Variants in ZNF582 observed in about 807,000 individuals in gnomAD.
ZNF582 encodes zinc finger protein 582.
Under a neutral mutation model 12.3 loss-of-function variants are expected in ZNF582, and 14 were observed. That is an observed-to-expected ratio of 1.14 (90% CI 0.75 to 1.78). The LOEUF (loss-of-function observed/expected upper bound fraction) is 1.78, where lower values mean the gene tolerates loss of function less well. ZNF582 is among the 40% of genes most tolerant of loss of function. The pLI is 0.00. For synonymous variants in ZNF582, 210 were observed against 207.2 expected, an observed-to-expected ratio of 1.01 and a Z score of -0.11; for missense variants, 567 against 616.5, an observed-to-expected ratio of 0.92 and a Z score of 0.85.
chr19:56,387,858 G>C (rs2041980896), intron 4 of ZNF582, among the ~76,000 whole-genome samples: 1 of 152,222 alleles, frequency 6.6e-6, no homozygotes, highest in African/African-American at 2.4e-5. Flanking sequence ...TTCTTCGACA[G>C]ATTGACTTTT....
At chr19:56,392,950 G>T (rs1055526770) in intron 1 of ZNF582, among the ~76,000 whole-genome samples, 1 of 152,138 alleles carries the variant, frequency 6.6e-6, no homozygotes, top group Non-Finnish European at 1.5e-5. Flanking sequence ...AGCATTATTT[G>T]TATTAACTGC....
chr19:56,391,917 C>A, intron 1 of ZNF582, 85 bp from the exon 2 acceptor site: 1 of 1,129,288 alleles, frequency 8.9e-7, no homozygotes. Flanking sequence ...ACCTGCTTGC[C>A]CTCTGCCCAC....
exon 5 of ZNF582, chr19:56,384,971 A>G (rs1452367888): frequency 6.2e-7 from 1 of 1,613,960 alleles, no homozygotes; most frequent in Admixed American, 1.7e-5. Context: ...AAAAGTGGGC[A>G]TTTCTTCATG....
exon 1 of ZNF582, chr19:56,393,517 G>A (rs529501083): frequency 6.1e-6 from 3 of 493,878 alleles, no homozygotes; most frequent in South Asian, 1.5e-5. Context: ...CCACGGTACC[G>A]GTGGATTCGC....
intron 4 of ZNF582, among the ~76,000 whole-genome samples, chr19:56,389,434 C>T (rs1383994011): frequency 1.3e-5 from 2 of 152,084 alleles, no homozygotes; most frequent in African/African-American, 2.4e-5. Context: ...AACGGAAAAC[C>T]AAATACTGCA....
At chr19:56,384,682 ATGT>A (rs757609926) in exon 5 of ZNF582, 2 of 1,613,504 alleles carry the variant, frequency 1.2e-6, no homozygotes, top group Admixed American at 1.7e-5. Context: ...GAACTCTCTG[ATGT>A]TGTATAAAAT....
chr19:56,385,028 C>T (rs147243655), exon 5 of ZNF582: 1 of 1,614,116 alleles, frequency 6.2e-7, no homozygotes, highest in Non-Finnish European at 8.5e-7. Context: ...TCCCTGTTGT[C>T]TGTCAAACTG....
chr19:56,385,260 G>T lies in ZNF582; in HGVS notation c.233-76C>A, dbSNP rs1253058177. ...AAGGAACTAAAATAAGAACTGGAGG[G>T]TTTAGACTCAATGCCTATTAACTCT... On this transcript the variant is annotated intron_variant, in intron 4 of 4. Transcript: ENST00000586929. 4 of 1,432,692 alleles carry T rather than the reference G, an allele frequency of 2.8e-6. No individual in the cohort carries two copies. The African/African-American group carries it at 5.7e-5, about 20-fold the overall frequency. 88.7% of individuals were successfully genotyped at this position (1,432,692 alleles called of 1,614,324 possible). A position where few individuals can be genotyped will look rare whatever the true frequency, so the allele number is the denominator to read the frequency against.
At chr19:56,383,884 A>C in exon 5 of ZNF582, 1 of 1,585,006 alleles carries the variant, frequency 6.3e-7, no homozygotes, top group Non-Finnish European at 8.6e-7. Context: ...GGCTTTCCCC[A>C]TTACTTCCAT....
rs146312498 is a variant in ZNF582 at position 56,387,543 on chromosome 19, A to T, written c.233-2359T>A. On this transcript the variant is annotated intron_variant, in intron 4 of 4. Transcript: ENST00000586929. ...TAAGTATGACACTGATGACTTAAAA[A>T]AAAACTATATACAAACGTTCTATAT... 558 of 152,368 alleles carry T rather than the reference A, an allele frequency of 3.7e-3. 2 individuals carry two copies. Among genetic ancestry groups the T allele is most frequent in the African/African-American group, 0.012 (511 of 41,592 alleles). 9.4% of individuals were successfully genotyped at this position (152,368 alleles called of 1,614,324 possible).
chr19:56,384,424 A>G, exon 5 of ZNF582: 1 of 1,595,286 alleles, frequency 6.3e-7, no homozygotes, highest in Non-Finnish European at 8.5e-7. Flanking sequence ...CAGTATGAAC[A>G]GTCTGATGTT....
intron 4 of ZNF582, chr19:56,387,622 G>C (rs1238116815): frequency 6.6e-6 from 1 of 152,088 alleles, no homozygotes; most frequent in African/African-American, 2.4e-5. Context: ...AGGGGAGATG[G>C]GGTCTCATTC....
At chr19:56,390,551 G>A in intron 2 of ZNF582, 50 bp from the exon 3 acceptor site, 3 of 1,603,506 alleles carry the variant, frequency 1.9e-6, no homozygotes, top group Non-Finnish European at 2.6e-6. Flanking sequence ...GGTTCACAGT[G>A]GGATGAAAGG....
intron 4 of ZNF582, chr19:56,386,507 G>A (rs564458774): frequency 1.3e-5 from 2 of 152,486 alleles, no homozygotes; most frequent in East Asian, 3.9e-4. Flanking sequence ...CCAGTTGATT[G>A]AGGGTGGGTC....
chr19:56,391,207 T>C (rs561698480), intron 2 of ZNF582, among the ~76,000 whole-genome samples: 5 of 152,324 alleles, frequency 3.3e-5, no homozygotes, highest in Admixed American at 1.3e-4. Context: ...TCGCTCACCA[T>C]CCTCAGCTCT....
chr19:56,393,510 C>T lies in ZNF582; in HGVS notation c.-371G>A, dbSNP rs769956075. On this transcript the variant is annotated 5_prime_UTR_variant, in exon 1 of 5. In the 5' UTR this introduces an upstream ATG that the reference lacks. Coordinates refer to ENST00000586929, the Ensembl canonical transcript of ZNF582. The stretch of plus-strand genomic sequence containing the variant: ...GGCAGCCCAGGGCGCGCTTCCACCA[C>T]GGTACCGGTGGATTCGCCGTGCGCA... The T allele has an allele frequency of 4.0e-6, 2 of 501,200 alleles. No homozygotes were observed. Among genetic ancestry groups the T allele is most frequent in the Admixed American group, 2.0e-5 (1 of 49,168 alleles). The allele number at this position is 501,200 out of a possible 1,614,324, so 31.0% of individuals were successfully genotyped here. A position where few individuals can be genotyped will look rare whatever the true frequency, so the allele number is the denominator to read the frequency against.
chr19:56,384,539 T>A (rs368835838), exon 5 of ZNF582: 1 of 1,613,862 alleles, frequency 6.2e-7, no homozygotes, highest in African/African-American at 1.3e-5. Context: ...TGAGATCCGA[T>A]TGAAGGCCTT....
At chr19:56,390,070 T>C (rs1214333770) in exon 4 of ZNF582, 1 of 1,613,544 alleles carries the variant, frequency 6.2e-7, no homozygotes, top group Non-Finnish European at 8.5e-7. Flanking sequence ...AGGAAGGAGA[T>C]CACATCAGGT....
At chr19:56,384,671 T>C in exon 5 of ZNF582, 1 of 1,614,122 alleles carries the variant, frequency 6.2e-7, no homozygotes, top group East Asian at 2.2e-5. Context: ...CTCACCAGTA[T>C]GAACTCTCTG....
Sources: allele counts gnomAD v4.1 joint callset (sites outside exome capture counted in the v4.1 genomes callset), GRCh38; gene constraint gnomAD v4.1.1; transcripts MANE v1.5; gene names NCBI Gene and HGNC (gene_info 2026-07-23, HGNC 2026-07-21).